Variants in PTPRD observed in about 807,000 individuals in gnomAD.
The protein encoded by PTPRD is protein tyrosine phosphatase receptor type D.
Under a neutral mutation model 214.5 loss-of-function variants are expected in PTPRD, and 34 were observed. That is an observed-to-expected ratio of 0.16 (90% confidence interval 0.12 to 0.21). The LOEUF (loss-of-function observed/expected upper bound fraction) is 0.21, where lower values mean the gene tolerates loss of function less well. Ranked by LOEUF, PTPRD falls within the 10% of genes least tolerant of loss-of-function variation. The pLI, the probability that PTPRD is intolerant of heterozygous loss-of-function variation, is 1.00. For synonymous variants in PTPRD, 1,128 were observed against 845.7 expected, an observed-to-expected ratio of 1.33 and a Z score of -5.79; for missense variants, 2,545 against 2,398.7, an observed-to-expected ratio of 1.06 and a Z score of -1.27.
chr9:10,239,686 T>C (rs1014901477), intron 3 of PTPRD, among the ~76,000 whole-genome samples: 6 of 132,568 alleles, frequency 4.5e-5, no homozygotes, highest in Admixed American at 1.6e-4. Flanking sequence ...ATAGGAAATA[T>C]GATAACTACT....
At chr9:8,883,248 G>T (rs2098461288) in intron 11 of PTPRD, among the ~76,000 whole-genome samples, 1 of 152,072 alleles carries the variant, frequency 6.6e-6, no homozygotes. Context: ...GTTAACCATG[G>T]GCTAACAACT....
chr9:10,313,411 C>A (rs1360622889), intron 3 of PTPRD, among the ~76,000 whole-genome samples: 1 of 151,836 alleles, frequency 6.6e-6, no homozygotes, highest in Non-Finnish European at 1.5e-5. Flanking sequence ...CACACACACA[C>A]ACACACAAAT....
At chr9:10,460,623 A>G (rs1435465798) in intron 2 of PTPRD, among the ~76,000 whole-genome samples, 1 of 152,174 alleles carries the variant, frequency 6.6e-6, no homozygotes, top group Non-Finnish European at 1.5e-5. Flanking sequence ...ACATGAGGAA[A>G]GGACAATGTC....
At chr9:8,539,161 C>A (rs1157655716) in intron 14 of PTPRD, among the ~76,000 whole-genome samples, 4 of 151,898 alleles carry the variant, frequency 2.6e-5, no homozygotes, top group Non-Finnish European at 5.9e-5. Context: ...AGACATGCAT[C>A]CATACTGATA....
chr9:9,750,067 T>C (rs1333575843), intron 6 of PTPRD, among the ~76,000 whole-genome samples: 1 of 152,156 alleles, frequency 6.6e-6, no homozygotes, highest in Non-Finnish European at 1.5e-5. Flanking sequence ...AACTTTTATA[T>C]GATTAATGTA....
intron 3 of PTPRD, among the ~76,000 whole-genome samples, chr9:10,314,217 C>T (rs2096356785): frequency 6.6e-6 from 1 of 151,778 alleles, no homozygotes; most frequent in Admixed American, 6.6e-5. Flanking sequence ...AAAGGATATT[C>T]TGGAAGTGTG....
At chr9:9,888,208 G>A (rs1601000705) in intron 5 of PTPRD, among the ~76,000 whole-genome samples, 1 of 152,158 alleles carries the variant, frequency 6.6e-6, no homozygotes, top group Non-Finnish European at 1.5e-5. Context: ...GAGATGTTAT[G>A]GAGGAATCTG....
At chr9:9,176,905 A>G (rs537874440) in intron 10 of PTPRD, among the ~76,000 whole-genome samples, 16 of 152,286 alleles carry the variant, frequency 1.1e-4, no homozygotes, top group African/African-American at 3.8e-4. Flanking sequence ...AGATAAAGAC[A>G]TTAATGGAAT....
At position 8,520,551 on chromosome 9, in the gene PTPRD, T is replaced by C. The variant is rs117855646; in HGVS notation, c.961+726A>G. 1.2e-4 allele frequency among the ~76,000 whole-genome samples: 19 copies of C among 152,270 alleles called. No homozygotes were observed. In the East Asian group the frequency reaches 3.5e-3, roughly 28 times the overall value. On this transcript the variant is annotated intron_variant, in intron 20 of 45. Transcript: ENST00000381196. ...TCTAGCCATCTGCAGAAAACTTAAG[T>C]TGCCCTATGTCTGACTCAATTTGCA...
At chr9:9,351,518 G>A (rs906650072) in intron 9 of PTPRD, among the ~76,000 whole-genome samples, 2 of 151,990 alleles carry the variant, frequency 1.3e-5, no homozygotes, top group Non-Finnish European at 2.9e-5. Context: ...GTGTTCACGT[G>A]AACCTTCCTA....
chr9:9,435,336 A>ACCCCCCCCCCCC (rs1420031392), intron 8 of PTPRD, among the ~76,000 whole-genome samples: 1 of 140,400 alleles, frequency 7.1e-6, no homozygotes. Context: ...CATAGTGAGA[A>ACCCCCCCCCCCC]CCCCCCCACC....
intron 11 of PTPRD, among the ~76,000 whole-genome samples, chr9:8,909,933 G>C (rs1416670005): frequency 1.3e-5 from 2 of 151,192 alleles, no homozygotes; most frequent in Admixed American, 6.6e-5. Context: ...TAGATGACAT[G>C]ATCTGGCATG....
intron 2 of PTPRD, among the ~76,000 whole-genome samples, chr9:10,416,924 A>C (rs143234781): frequency 1.2e-3 from 177 of 152,058 alleles, no homozygotes; most frequent in African/African-American, 4.0e-3. Context: ...GATGCTATTA[A>C]ACAGTTGCAC....
intron 31 of PTPRD, among the ~76,000 whole-genome samples, chr9:8,470,711 C>T (rs2096636365): frequency 6.6e-6 from 1 of 152,120 alleles, no homozygotes; most frequent in Non-Finnish European, 1.5e-5. Flanking sequence ...ACCTTCCACA[C>T]CTCTACATCA....
intron 39 of PTPRD, among the ~76,000 whole-genome samples, chr9:8,345,707 G>A (rs916033482): frequency 8.5e-5 from 13 of 152,160 alleles, no homozygotes; most frequent in African/African-American, 3.1e-4. Context: ...TTCTGTAACA[G>A]GGTAGAATTC....
At position 10,612,909 on chromosome 9, in the gene PTPRD, C is replaced by A. The variant is rs1189233534; in HGVS notation, c.-929G>T. ...CGCTGCCCCCACGCGCTCCGGCCGC[C>A]GGCTGCGGGCGCGGCTGGGCGGGGA... is the stretch of plus-strand genomic sequence containing the variant. On this transcript the variant is annotated 5_prime_UTR_variant, in exon 1 of 46. Coordinates refer to ENST00000381196, the MANE Select transcript of PTPRD (RefSeq NM_002839.4). Among the ~76,000 whole-genome samples, 1 of 151,724 alleles carries A rather than the reference C, an allele frequency of 6.6e-6. No individual in the cohort carries two copies. The highest frequency in any genetic ancestry group is 1.5e-5 in the Non-Finnish European group (1 of 67,906).
chr9:9,638,318 T>A (rs972168114), intron 7 of PTPRD, among the ~76,000 whole-genome samples: 2 of 152,178 alleles, frequency 1.3e-5, no homozygotes, highest in African/African-American at 4.8e-5. Context: ...GCTAGAGACT[T>A]CTTCTGCCAA....
intron 8 of PTPRD, among the ~76,000 whole-genome samples, chr9:9,448,326 C>T (rs750523757): frequency 1.3e-5 from 2 of 151,994 alleles, no homozygotes; most frequent in African/African-American, 2.4e-5. Context: ...GTAATCCTCA[C>T]GTGTCGAGGG....
intron 10 of PTPRD, among the ~76,000 whole-genome samples, chr9:9,051,465 T>A (rs1197537490): frequency 6.6e-6 from 1 of 152,184 alleles, no homozygotes; most frequent in Non-Finnish European, 1.5e-5. Flanking sequence ...TAGTTAAATG[T>A]GAAATCCAAC....
Sources: allele counts gnomAD v4.1 joint callset (sites outside exome capture counted in the v4.1 genomes callset), GRCh38; gene constraint gnomAD v4.1.1; transcripts MANE v1.5; gene names NCBI Gene and HGNC (gene_info 2026-07-23, HGNC 2026-07-21).